Variants in SNAP29 observed in about 807,000 individuals in gnomAD.
SNAP29 encodes the protein synaptosomal-associated protein 29.
A neutral mutation model predicts 27.9 loss-of-function variants in SNAP29; 13 were observed. That is an observed-to-expected ratio of 0.47 (90% CI 0.30 to 0.74). The LOEUF (loss-of-function observed/expected upper bound fraction) is 0.74, where lower values mean the gene tolerates loss of function less well. Ranked by LOEUF, SNAP29 falls within the 30% of genes least tolerant of loss-of-function variation. SNAP29 has a pLI of 0.06. For missense variants in SNAP29, 368 were observed against 336.5 expected, an observed-to-expected ratio of 1.09 and a Z score of -0.73; for synonymous variants, 119 against 127.1, an observed-to-expected ratio of 0.94 and a Z score of 0.43.
chr22:20,876,986 A>G (rs1426418463), intron 2 of SNAP29, among the ~76,000 whole-genome samples: 1 of 151,942 alleles, frequency 6.6e-6, no homozygotes, highest in Non-Finnish European at 1.5e-5. Flanking sequence ...GCTTGTTCTC[A>G]TTTCCACTTA....
intron 2 of SNAP29, among the ~76,000 whole-genome samples, chr22:20,875,705 A>G (rs1324490552): frequency 6.6e-6 from 1 of 152,236 alleles, no homozygotes; most frequent in Non-Finnish European, 1.5e-5. Context: ...CTGTTATCCC[A>G]ACATTTTATA....
intron 3 of SNAP29, among the ~76,000 whole-genome samples, chr22:20,882,324 A>T (rs1928909282): frequency 6.6e-6 from 1 of 151,798 alleles, no homozygotes; most frequent in Admixed American, 6.6e-5. Flanking sequence ...GACAGTGTTG[A>T]TCGAATCATT....
intron 2 of SNAP29, among the ~76,000 whole-genome samples, chr22:20,876,805 A>C (rs767560007): frequency 2.6e-5 from 4 of 151,966 alleles, no homozygotes; most frequent in Non-Finnish European, 4.4e-5. Context: ...CTCCTGACCT[A>C]GTGATCTGCC....
At position 20,870,399 on chromosome 22, in the gene SNAP29, A is replaced by T; in HGVS notation, c.300A>T (p.Gln100His). ...RTEKMVDKMDQDLKISQKHIN... is the reference protein window; with the variant it reads ...RTEKMVDKMDHDLKISQKHIN... ...AGAAGATGGTGGACAAGATGGACCAAGATTTGAAGATCAGCCAGAAACACA... is the reference window on the plus strand; with the variant it reads ...AGAAGATGGTGGACAAGATGGACCATGATTTGAAGATCAGCCAGAAACACA... The change falls in exon 2 of 5, where the codon CAA becomes CAT. Residue 100 changes from glutamine (Q) to histidine (H), a missense_variant. By Grantham distance (24) the Gln-to-His change is conservative (BLOSUM62 0). Transcript: ENST00000215730. The T allele has an allele frequency of 6.2e-7, 1 of 1,614,172 alleles. No individual in the cohort carries two copies. Among genetic ancestry groups the T allele is most frequent in the Non-Finnish European group, 8.5e-7 (1 of 1,180,014 alleles).
intron 2 of SNAP29, among the ~76,000 whole-genome samples, chr22:20,880,080 G>A (rs1366187309): frequency 6.6e-6 from 1 of 150,704 alleles, no homozygotes; most frequent in African/African-American, 2.4e-5. Flanking sequence ...ACTAATGAGA[G>A]GAATGAAACT....
At chr22:20,866,063 G>C (rs1928452707) in intron 1 of SNAP29, among the ~76,000 whole-genome samples, 1 of 152,236 alleles carries the variant, frequency 6.6e-6, no homozygotes, top group Non-Finnish European at 1.5e-5. Flanking sequence ...ACTCTTATCA[G>C]GCAGGATATT....
chr22:20,886,306 T>A (rs1256161352), intron 4 of SNAP29, among the ~76,000 whole-genome samples: 2 of 150,898 alleles, frequency 1.3e-5, no homozygotes, highest in Non-Finnish European at 1.5e-5. Flanking sequence ...ATCTTTTTAT[T>A]TTTATATTTT....
chr22:20,881,559 T>C (rs1208443941), intron 3 of SNAP29, among the ~76,000 whole-genome samples: 1 of 152,162 alleles, frequency 6.6e-6, no homozygotes, highest in Non-Finnish European at 1.5e-5. Flanking sequence ...ACAAAAAAAT[T>C]AGCCAAATGT....
chr22:20,877,385 T>A (rs1928773336), intron 2 of SNAP29, among the ~76,000 whole-genome samples: 1 of 152,142 alleles, frequency 6.6e-6, no homozygotes, highest in African/African-American at 2.4e-5. Context: ...GGAGAAACCC[T>A]GTCTCTACTA....
chr22:20,872,276 T>C (rs1374883549), intron 2 of SNAP29, among the ~76,000 whole-genome samples: 1 of 152,106 alleles, frequency 6.6e-6, no homozygotes, highest in East Asian at 1.9e-4. Context: ...GTTTCACCCT[T>C]GTTGCCCAGG....
At chr22:20,874,559 A>G (rs1477166824) in intron 2 of SNAP29, among the ~76,000 whole-genome samples, 2 of 145,064 alleles carry the variant, frequency 1.4e-5, no homozygotes, top group Admixed American at 7.1e-5. Context: ...TGGGTGACAG[A>G]GTGAGACCCT....
At chr22:20,866,904 ACT>A (rs763300197) in intron 1 of SNAP29, among the ~76,000 whole-genome samples, 7 of 151,842 alleles carry the variant, frequency 4.6e-5, no homozygotes, top group Non-Finnish European at 8.8e-5. Context: ...GGGAGAGGTG[ACT>A]CTGTGTGTGT....
At chr22:20,871,351 C>G (rs1488835614) in intron 2 of SNAP29, among the ~76,000 whole-genome samples, 1 of 150,958 alleles carries the variant, frequency 6.6e-6, no homozygotes, top group African/African-American at 2.4e-5. Flanking sequence ...GACATGATGG[C>G]ACGTGCCTAT....
chr22:20,871,637 C>T (rs2147864922), intron 2 of SNAP29, among the ~76,000 whole-genome samples: 1 of 152,212 alleles, frequency 6.6e-6, no homozygotes, highest in East Asian at 1.9e-4. Flanking sequence ...AATCCTAGCA[C>T]TTGGGGAGGC....
intron 2 of SNAP29, among the ~76,000 whole-genome samples, chr22:20,872,475 A>G (rs559212937): frequency 6.6e-6 from 1 of 152,018 alleles, no homozygotes; most frequent in African/African-American, 2.4e-5. Flanking sequence ...ATCTCGGCTC[A>G]CTGCAAGCTC....
chr22:20,864,283 G>A (rs1423503791), intron 1 of SNAP29, among the ~76,000 whole-genome samples: 1 of 152,116 alleles, frequency 6.6e-6, no homozygotes, highest in Non-Finnish European at 1.5e-5. Flanking sequence ...GAGTTCAAAC[G>A]TGATGCACTC....
At chr22:20,876,912 G>C (rs896344155) in intron 2 of SNAP29, among the ~76,000 whole-genome samples, 3 of 151,950 alleles carry the variant, frequency 2.0e-5, no homozygotes, top group Non-Finnish European at 4.4e-5. Flanking sequence ...CAAACCCTTC[G>C]GCCTTCTCTG....
intron 3 of SNAP29, among the ~76,000 whole-genome samples, chr22:20,883,060 AGAAAC>A (rs1185657620): frequency 1.3e-5 from 2 of 152,178 alleles, no homozygotes; most frequent in African/African-American, 4.8e-5. Flanking sequence ...AATTTCAGAA[AGAAAC>A]GAAATTACCC....
At chr22:20,868,994 A>G (rs1928523729) in intron 1 of SNAP29, among the ~76,000 whole-genome samples, 1 of 152,148 alleles carries the variant, frequency 6.6e-6, no homozygotes, top group Non-Finnish European at 1.5e-5. Context: ...TGGAGCTCAT[A>G]TGCTGTGAGC....
Sources: gnomAD v4.1 joint callset for allele counts (sites outside exome capture counted in the v4.1 genomes callset) on GRCh38, gnomAD v4.1.1 for gene constraint, MANE v1.5 for transcripts, NCBI Gene and HGNC (gene_info 2026-07-23, HGNC 2026-07-21) for gene names.